The following ADAMTSL1 variants were observed in gnomAD, a reference collection of about 807,000 sequenced individuals.
The protein encoded by ADAMTSL1 is ADAMTS like 1.
In ADAMTSL1, 126 loss-of-function variants were observed where a neutral mutation model predicts 201.8. The observed-to-expected ratio is 0.62, with a 90% confidence interval of 0.54 to 0.72. The LOEUF is 0.72. Ranked by LOEUF, ADAMTSL1 falls within the 30% of genes least tolerant of loss-of-function variation. The pLI is 0.00. For synonymous variants in ADAMTSL1, 1,121 were observed against 903.4 expected (o/e 1.24, Z -4.32); for missense variants, 2,679 against 2,277.8 (o/e 1.18, Z -3.59).
chr9:18,605,669 C>T (rs753132641), intron 4 of ADAMTSL1, among the ~76,000 whole-genome samples: 3 of 152,164 alleles, frequency 2.0e-5, no homozygotes, highest in Non-Finnish European at 4.4e-5. Context: ...TGCATCACCC[C>T]GGTACTATAA....
intron 2 of ADAMTSL1, among the ~76,000 whole-genome samples, chr9:18,245,375 A>G (rs1035277122): frequency 5.3e-5 from 8 of 152,154 alleles, no homozygotes; most frequent in East Asian, 3.8e-4. Flanking sequence ...AGGAATTCCT[A>G]TATTTTTCAC....
At chr9:18,717,175 T>G (rs933639558) in intron 14 of ADAMTSL1, among the ~76,000 whole-genome samples, 2 of 150,548 alleles carry the variant, frequency 1.3e-5, no homozygotes, top group Non-Finnish European at 3.0e-5. Context: ...GCATGGCACA[T>G]GTATACCTAT....
chr9:18,338,689 G>A (rs1280774928), intron 2 of ADAMTSL1, among the ~76,000 whole-genome samples: 1 of 152,116 alleles, frequency 6.6e-6, no homozygotes. Context: ...AATGCATGCT[G>A]CAGGAGCTTG....
At chr9:18,401,232 T>A (rs1488803927) in intron 2 of ADAMTSL1, among the ~76,000 whole-genome samples, 3 of 152,240 alleles carry the variant, frequency 2.0e-5, no homozygotes, top group Non-Finnish European at 4.4e-5. Flanking sequence ...AGCTTTCAGT[T>A]CATTAGCTTT....
intron 2 of ADAMTSL1, among the ~76,000 whole-genome samples, chr9:18,365,093 G>A (rs13287096): frequency 0.054 from 8,185 of 152,064 alleles, 307 homozygotes; most frequent in Middle Eastern, 0.078. Flanking sequence ...ATATGCTCCC[G>A]GAGATAATGT....
intron 15 of ADAMTSL1, among the ~76,000 whole-genome samples, chr9:18,748,327 A>G (rs1022145512): frequency 3.9e-5 from 6 of 152,156 alleles, no homozygotes; most frequent in Non-Finnish European, 8.8e-5. Context: ...AGCCAAAACC[A>G]CTGGGGCAGA....
chr9:18,766,009 G>T (rs1338292083), intron 16 of ADAMTSL1, among the ~76,000 whole-genome samples: 1 of 152,062 alleles, frequency 6.6e-6, no homozygotes, highest in Non-Finnish European at 1.5e-5. Flanking sequence ...AAATGCGAAG[G>T]CCCTGTGGGA....
chr9:18,771,125 C>T (rs1333909225), intron 17 of ADAMTSL1, among the ~76,000 whole-genome samples: 1 of 152,128 alleles, frequency 6.6e-6, no homozygotes, highest in Non-Finnish European at 1.5e-5. Flanking sequence ...TCCTCCTGAC[C>T]TCCCTGTACC....
At chr9:18,877,389 C>A (rs573300254) in intron 23 of ADAMTSL1, among the ~76,000 whole-genome samples, 10 of 152,272 alleles carry the variant, frequency 6.6e-5, no homozygotes, top group Middle Eastern at 3.4e-3. Flanking sequence ...GGCTCAAGGG[C>A]TGCTGTTGAG....
At chr9:18,538,173 A>T (rs1409704277) in intron 3 of ADAMTSL1, among the ~76,000 whole-genome samples, 1 of 152,128 alleles carries the variant, frequency 6.6e-6, no homozygotes, top group East Asian at 1.9e-4. Context: ...GCGGTAGTTC[A>T]GGTGGGTGCT....
intron 1 of ADAMTSL1, among the ~76,000 whole-genome samples, chr9:18,054,957 T>C (rs1563972943): frequency 6.6e-6 from 1 of 152,198 alleles, no homozygotes; most frequent in East Asian, 1.9e-4. Context: ...GCCAGTTATT[T>C]TGACATTAGG....
At chr9:18,795,603 A>C in intron 20 of ADAMTSL1, 79 bp downstream of exon 20, 4 of 1,441,232 alleles carry the variant, frequency 2.8e-6, no homozygotes, top group Admixed American at 2.3e-5. Context: ...ACAGGCCCAG[A>C]GATGCATAGA....
intron 2 of ADAMTSL1, among the ~76,000 whole-genome samples, chr9:18,226,301 T>C (rs919386821): frequency 2.6e-5 from 4 of 152,186 alleles, no homozygotes; most frequent in African/African-American, 7.2e-5. Flanking sequence ...AGATCCTCTC[T>C]TCCTGCAGCC....
chr9:18,125,151 A>T (rs1825680122), intron 1 of ADAMTSL1, among the ~76,000 whole-genome samples: 1 of 152,206 alleles, frequency 6.6e-6, no homozygotes, highest in Non-Finnish European at 1.5e-5. Flanking sequence ...TCACAGTTCC[A>T]TGTGGCTGGG....
At chr9:18,358,921 C>T (rs1000478866) in intron 2 of ADAMTSL1, among the ~76,000 whole-genome samples, 1 of 152,018 alleles carries the variant, frequency 6.6e-6, no homozygotes, top group Non-Finnish European at 1.5e-5. Context: ...TAACTAGTAG[C>T]GATTATTGTA....
chr9:18,390,470 C>A (rs1221235850), intron 2 of ADAMTSL1, among the ~76,000 whole-genome samples: 1 of 152,146 alleles, frequency 6.6e-6, no homozygotes, highest in Non-Finnish European at 1.5e-5. Context: ...TTCAGGCAAC[C>A]CAAACTTCAT....
chr9:18,361,694 A>T (rs189042644), intron 2 of ADAMTSL1, among the ~76,000 whole-genome samples: 1 of 152,312 alleles, frequency 6.6e-6, no homozygotes, highest in Non-Finnish European at 1.5e-5. Context: ...TTTAGTTTTC[A>T]TGCAGAGAAA....
rs557627466 is a variant in ADAMTSL1, at chr9:18,634,860, T to C, written c.602-1083T>C. ...CAAAAAAAAAAAAAGAATATGTAAA[T>C]ATATATATATATATTTATATATATA... On this transcript the variant is annotated intron_variant, in intron 5 of 28. Transcript: ENST00000380548. 7.7e-3 allele frequency among the ~76,000 whole-genome samples: 945 copies of C among 122,928 alleles called. 17 individuals are homozygous for C. The highest frequency in any genetic ancestry group is 0.025 in the African/African-American group (892 of 35,242). 80.6% of individuals were successfully genotyped at this position (122,928 alleles called of 152,430 possible).
At chr9:18,146,460 T>A (rs938200305) in intron 1 of ADAMTSL1, among the ~76,000 whole-genome samples, 6 of 152,146 alleles carry the variant, frequency 3.9e-5, no homozygotes, top group Non-Finnish European at 7.4e-5. Context: ...AAAAAGAAGC[T>A]AGCCTGAAAA....
Sources: gnomAD v4.1 joint callset for allele counts (sites outside exome capture counted in the v4.1 genomes callset) on GRCh38, gnomAD v4.1.1 for gene constraint, MANE v1.5 for transcripts, NCBI Gene and HGNC (gene_info 2026-07-23, HGNC 2026-07-21) for gene names.